SORCS1: variants seen among roughly 807,000 people sequenced by gnomAD.
The protein encoded by SORCS1 is VPS10 domain-containing receptor SorCS1.
In SORCS1, 60 loss-of-function variants were observed where a neutral mutation model predicts 146.1. The ratio of observed to expected loss-of-function variants is 0.41; its 90% confidence interval spans 0.33 to 0.51. The LOEUF (loss-of-function observed/expected upper bound fraction) is 0.51, where lower values mean the gene tolerates loss of function less well. Ranked by LOEUF, SORCS1 falls within the 20% of genes least tolerant of loss-of-function variation. The pLI, the probability that SORCS1 is intolerant of heterozygous loss-of-function variation, is 0.21. For missense variants in SORCS1, 1,352 were observed against 1,487.6 expected (o/e 0.91, Z 1.50); for synonymous variants, 637 against 584.0 (o/e 1.09, Z -1.31).
intron 3 of SORCS1, among the ~76,000 whole-genome samples, chr10:106,812,902 T>G (rs112106961): frequency 5.3e-5 from 8 of 152,158 alleles, no homozygotes; most frequent in African/African-American, 1.9e-4. Context: ...TCAGAGCCCA[T>G]GAAAAAAGCT....
intron 2 of SORCS1, among the ~76,000 whole-genome samples, chr10:106,919,676 A>G (rs1052442316): frequency 6.6e-6 from 1 of 152,194 alleles, no homozygotes; most frequent in African/African-American, 2.4e-5. Context: ...ACTACTCAAA[A>G]GCATTGGATA....
chr10:106,837,952 T>C (rs1205361606), intron 2 of SORCS1, among the ~76,000 whole-genome samples: 1 of 152,188 alleles, frequency 6.6e-6, no homozygotes, highest in Non-Finnish European at 1.5e-5. Flanking sequence ...CTGATAGATT[T>C]TTACTTATTT....
intron 1 of SORCS1, among the ~76,000 whole-genome samples, chr10:106,966,524 A>C (rs1452837048): frequency 6.6e-6 from 1 of 152,172 alleles, no homozygotes; most frequent in Non-Finnish European, 1.5e-5. Context: ...TCTGCATGGC[A>C]CTGAAATTGA....
chr10:106,767,877 C>CA (rs1434792006), intron 4 of SORCS1, among the ~76,000 whole-genome samples: 2 of 152,210 alleles, frequency 1.3e-5, no homozygotes, highest in African/African-American at 4.8e-5. Flanking sequence ...ACCTCTCTTT[C>CA]AAAGCCTACA....
In SORCS1 at chr10:106,629,388, C is replaced by G; in HGVS notation, c.2476G>C (p.Gly826Arg). The change falls in exon 19 of 26, where the codon GGT (glycine) becomes CGT (arginine). Residue 826 changes from glycine to arginine, a missense_variant and splice_region_variant. Gly to Arg is a moderately radical substitution (Grantham distance 125). Coordinates refer to ENST00000263054, the MANE Select transcript of SORCS1 (RefSeq NM_052918.5). ...TGGATGAGTGTCCGCTGAACATCAC[C>G]CTGAAAAACAACCCAACATCAGAGG... The part of the protein sequence containing the change: ...NVTLMVQLEE[G>R]DVQRTLIQVD... 6.2e-7 allele frequency: 1 copy of G among 1,613,536 alleles called. No individual in the cohort carries two copies. The highest frequency in any genetic ancestry group is 1.1e-5 in the South Asian group (1 of 91,020).
rs774522221 is a variant in SORCS1, at chr10:106,607,167, T to A, written c.3164A>T (p.Gln1055Leu). 6.2e-7 allele frequency: 1 copy of A among 1,613,942 alleles called. No homozygotes were observed. The highest frequency in any genetic ancestry group is 8.5e-7 in the Non-Finnish European group (1 of 1,179,890). The change falls in exon 23 of 26, where the codon CAG becomes CTG. Residue 1055 changes from glutamine to leucine, a missense_variant and splice_region_variant. By Grantham distance (113) the Gln-to-Leu change is moderately radical (BLOSUM62 -2). This residue lies in a region of SORCS1 where 214 missense variants were observed against 204.8 expected (regional missense o/e 1.05). Coordinates refer to ENST00000263054, the MANE Select transcript of SORCS1 (RefSeq NM_052918.5). ...ENKRSTDDLEQISELLIHTLN... is the reference protein window; with the variant it reads ...ENKRSTDDLELISELLIHTLN... The stretch of plus-strand genomic sequence containing the variant: ...CGTCTCCTTTTCCAGGGGACTCACC[T>A]GCTCCAGGTCATCAGTTGACCTTTT...
At chr10:107,137,786 C>T (rs1967449338) in intron 1 of SORCS1, among the ~76,000 whole-genome samples, 3 of 150,974 alleles carry the variant, frequency 2.0e-5, no homozygotes, top group South Asian at 4.2e-4. Flanking sequence ...CGCTTGAACC[C>T]AGGAGGCAGA....
intron 6 of SORCS1, among the ~76,000 whole-genome samples, chr10:106,729,480 A>C (rs1291487369): frequency 1.5e-4 from 22 of 151,286 alleles, no homozygotes; most frequent in African/African-American, 4.4e-4. Context: ...TGTTTTGTGA[A>C]TCTCCAAACA....
the SORCS1 span, among the ~76,000 whole-genome samples, chr10:107,180,728 T>C: frequency 1.3e-5 from 2 of 152,192 alleles, no homozygotes; most frequent in African/African-American, 4.8e-5. Flanking sequence ...GATTTTTGAT[T>C]TGTGATTTTT....
At chr10:107,127,356 C>T (rs2134600190) in intron 1 of SORCS1, among the ~76,000 whole-genome samples, 1 of 152,210 alleles carries the variant, frequency 6.6e-6, no homozygotes, top group South Asian at 2.1e-4. Context: ...CAGGATATAT[C>T]TGTTTGGGCC....
chr10:106,654,108 A>G (rs1313731191), intron 17 of SORCS1, among the ~76,000 whole-genome samples: 3 of 152,042 alleles, frequency 2.0e-5, no homozygotes, highest in African/African-American at 7.2e-5. Flanking sequence ...AAATTTGCCC[A>G]CCCTTTAAGG....
At chr10:107,084,269 T>G (rs534463906) in intron 1 of SORCS1, among the ~76,000 whole-genome samples, 2 of 151,078 alleles carry the variant, frequency 1.3e-5, no homozygotes, top group East Asian at 3.9e-4. Context: ...CTAATTTTTT[T>G]TTTTTTTTTT....
chr10:106,708,071 T>C (rs1220717671), intron 7 of SORCS1, among the ~76,000 whole-genome samples: 6 of 152,174 alleles, frequency 3.9e-5, no homozygotes, highest in Admixed American at 1.3e-4. Context: ...AAGTCATAGA[T>C]GTGGATCACA....
intron 2 of SORCS1, among the ~76,000 whole-genome samples, chr10:106,934,299 C>A (rs1297250268): frequency 2.0e-5 from 3 of 151,336 alleles, no homozygotes; most frequent in Admixed American, 2.0e-4. Flanking sequence ...GCACTGTCAC[C>A]CAGGCTGGAG....
chr10:106,756,997 A>G (rs1403288775), intron 5 of SORCS1, among the ~76,000 whole-genome samples: 2 of 152,158 alleles, frequency 1.3e-5, no homozygotes, highest in Non-Finnish European at 2.9e-5. Flanking sequence ...CCTTGGCTGC[A>G]GCACCTGATT....
intron 1 of SORCS1, among the ~76,000 whole-genome samples, chr10:107,145,032 C>T (rs1362467745): frequency 6.6e-6 from 1 of 152,216 alleles, no homozygotes; most frequent in Non-Finnish European, 1.5e-5. Context: ...CCCTCTTCAA[C>T]AAGGTGGCAA....
At chr10:106,979,409 T>C (rs933375567) in intron 1 of SORCS1, among the ~76,000 whole-genome samples, 1 of 152,146 alleles carries the variant, frequency 6.6e-6, no homozygotes, top group Non-Finnish European at 1.5e-5. Context: ...TCATTTTATA[T>C]TGTATCAGAT....
chr10:107,067,320 G>T (rs1305669161), intron 1 of SORCS1, among the ~76,000 whole-genome samples: 1 of 148,748 alleles, frequency 6.7e-6, no homozygotes, highest in Non-Finnish European at 1.5e-5. Context: ...TTTCCAACAG[G>T]TTGCTGTGCA....
chr10:106,744,837 T>C (rs1381479811), intron 5 of SORCS1, among the ~76,000 whole-genome samples: 1 of 152,118 alleles, frequency 6.6e-6, no homozygotes, highest in East Asian at 1.9e-4. Flanking sequence ...ATCTTCCTTT[T>C]GGAAAAGATG....
Sources: allele counts gnomAD v4.1 joint callset (sites outside exome capture counted in the v4.1 genomes callset), GRCh38; gene constraint gnomAD v4.1.1; regional missense constraint gnomAD v4.1.1; transcripts MANE v1.5; gene names NCBI Gene and HGNC (gene_info 2026-07-23, HGNC 2026-07-21).